Variants in TMOD1 observed in about 807,000 individuals in gnomAD.
The protein encoded by TMOD1 is tropomodulin 1.
In TMOD1, 17 loss-of-function variants were observed where a neutral mutation model predicts 40.6. The observed-to-expected ratio is 0.42, with a 90% CI of 0.29 to 0.63. TMOD1 has a LOEUF of 0.63. Ranked by LOEUF, TMOD1 falls within the 20% of genes least tolerant of loss-of-function variation. The probability of loss-of-function intolerance (pLI) is 0.22; values close to 1 mark genes in which losing one functional copy is unlikely to be tolerated. For synonymous variants in TMOD1, 181 were observed against 175.0 expected (o/e 1.03, Z -0.27); for missense variants, 391 against 447.6 (o/e 0.87, Z 1.14).
chr9:97,502,013 C>A lies in TMOD1; in HGVS notation c.-49+210C>A, dbSNP rs993469675. On this transcript the variant is annotated intron_variant, in intron 1 of 9. Coordinates refer to ENST00000259365, the MANE Select transcript of TMOD1 (RefSeq NM_003275.4). The surrounding 1 kb of genome is among the most constrained non-coding windows in gnomAD (Gnocchi z 6.1). ...CTCGGGGTTCCGAGCCCAGCGCTCC[C>A]GTCCCCGCCTCCCCGCGCGCGCAGC... Among the ~76,000 whole-genome samples, 1 of 152,118 alleles carries A rather than the reference C, an allele frequency of 6.6e-6. No individual in the cohort carries two copies. The highest frequency in any genetic ancestry group is 2.4e-5 in the African/African-American group (1 of 41,446).
chr9:97,565,575 G>A (rs75160987), intron 6 of TMOD1, among the ~76,000 whole-genome samples: 55 of 152,072 alleles, frequency 3.6e-4, no homozygotes, highest in African/African-American at 1.0e-3. Context: ...AATACTACAC[G>A]CCTTAATTTT....
Position 97,599,883 on chromosome 9 carries a change from T to TGAA in TMOD1, c.*187_*189dup, listed in dbSNP as rs1826214681. ...AAAATTTTATAAAATACCGTTAATG[T>TGAA]GAAGTTTTTCTTTAGTCACAGAAGT... On this transcript the variant is annotated 3_prime_UTR_variant, in exon 10 of 10. Transcript: ENST00000259365. The TGAA allele has an allele frequency of 5.1e-6, 7 of 1,379,756 alleles. No individual in the cohort carries two copies. Among genetic ancestry groups the TGAA allele is most frequent in the South Asian group, 3.4e-5 (2 of 58,798 alleles). 85.5% of individuals were successfully genotyped at this position (1,379,756 alleles called of 1,614,324 possible).
Position 97,553,337 on chromosome 9 carries a change from C to G in TMOD1, c.334C>G (p.Leu112Val), listed in dbSNP as rs767151921. The G allele has an allele frequency of 6.2e-7, 1 of 1,614,112 alleles. No homozygotes were observed. The highest frequency in any genetic ancestry group is 1.3e-5 in the African/African-American group (1 of 74,942). Reference sequence around the variant, plus strand: ...GGATCCTGTGCTGGAAAGTGTGACGCTGGAACCGGAGCTGGAGGAAGCCTT... The same window carrying G: ...GGATCCTGTGCTGGAAAGTGTGACGGTGGAACCGGAGCTGGAGGAAGCCTT... ...PLDPVLESVTLEPELEEALAN... is the reference protein window; with the variant it reads ...PLDPVLESVTVEPELEEALAN... The change falls in exon 4 of 10, where the codon CTG (leucine) becomes GTG (valine). Residue 112 changes from leucine (L) to valine (V), a missense_variant. Coordinates refer to ENST00000259365, the MANE Select transcript of TMOD1 (RefSeq NM_003275.4).
chr9:97,580,252 T>A (rs545330665), intron 8 of TMOD1, among the ~76,000 whole-genome samples: 1 of 152,286 alleles, frequency 6.6e-6, no homozygotes, highest in East Asian at 1.9e-4. Flanking sequence ...GGTTTTTAAA[T>A]TATTATTATT....
In TMOD1 at chr9:97,599,685, G is replaced by A. The variant is rs768433254; in HGVS notation, c.1067G>A (p.Arg356Gln). 8.7e-6 allele frequency: 14 copies of A among 1,614,138 alleles called. No homozygotes were observed. The highest frequency in any genetic ancestry group is 1.2e-5 in the Non-Finnish European group (14 of 1,180,020). ...DLTGPIIPKC[R>Q]SGV ...ACTGGGCCCATCATTCCCAAGTGCC[G>A]GAGTGGTGTCTAGTGTGTGGCGGTG... The change falls in exon 10 of 10, where the codon CGG (arginine) becomes CAG (glutamine). Residue 356 changes from arginine to glutamine, a missense_variant. Transcript: ENST00000259365.
At chr9:97,517,087 G>A (rs986794748) in intron 1 of TMOD1, among the ~76,000 whole-genome samples, 4 of 152,214 alleles carry the variant, frequency 2.6e-5, no homozygotes, top group South Asian at 2.1e-4. Flanking sequence ...TGGCTCACAC[G>A]TATAATCCCA....
At chr9:97,543,103 T>C (rs1030054036) in intron 2 of TMOD1, among the ~76,000 whole-genome samples, 3 of 152,182 alleles carry the variant, frequency 2.0e-5, no homozygotes, top group African/African-American at 7.2e-5. Context: ...CGAAAAGAGA[T>C]GAGAGTTTGC....
chr9:97,581,704 G>A (rs968455008), intron 8 of TMOD1, among the ~76,000 whole-genome samples: 3 of 151,704 alleles, frequency 2.0e-5, no homozygotes, highest in African/African-American at 7.3e-5. Context: ...GTGTGAGATG[G>A]TATCTCATTG....
At chr9:97,508,048 C>A (rs1829618355) in intron 1 of TMOD1, among the ~76,000 whole-genome samples, 1 of 143,408 alleles carries the variant, frequency 7.0e-6, no homozygotes, top group Admixed American at 7.3e-5. Context: ...CACAATCTAT[C>A]TTCCTGATTC....
At chr9:97,586,390 A>C (rs1246516286) in intron 8 of TMOD1, among the ~76,000 whole-genome samples, 2 of 151,566 alleles carry the variant, frequency 1.3e-5, no homozygotes, top group Non-Finnish European at 3.0e-5. Context: ...GTGCTGGGAG[A>C]ACCACTGCTC....
At chr9:97,548,708 G>T (rs1427936997) in intron 3 of TMOD1, among the ~76,000 whole-genome samples, 1 of 152,188 alleles carries the variant, frequency 6.6e-6, no homozygotes. Flanking sequence ...GAGCTGGACT[G>T]TCTTCATGAA....
chr9:97,550,661 G>A (rs1214536534), intron 3 of TMOD1, among the ~76,000 whole-genome samples: 3 of 152,138 alleles, frequency 2.0e-5, no homozygotes, highest in Admixed American at 6.5e-5. Context: ...TTGGCCATAT[G>A]TATATCCTCT....
intron 1 of TMOD1, among the ~76,000 whole-genome samples, chr9:97,506,088 TC>T (rs5899310): frequency 0.47 from 71,653 of 151,946 alleles, 16,992 homozygotes; most frequent in Admixed American, 0.52. Context: ...TGCTGTGCCT[TC>T]ATGCCTCCCT....
chr9:97,588,664 T>C (rs989969149), intron 8 of TMOD1, among the ~76,000 whole-genome samples: 4 of 152,206 alleles, frequency 2.6e-5, no homozygotes, highest in Admixed American at 1.3e-4. Flanking sequence ...ATATTAACAA[T>C]ATTAAGTCTT....
chr9:97,550,398 A>C (rs946531084), intron 3 of TMOD1, among the ~76,000 whole-genome samples: 1 of 152,228 alleles, frequency 6.6e-6, no homozygotes, highest in Non-Finnish European at 1.5e-5. Context: ...TATGGGTGGA[A>C]TTGATGAATG....
chr9:97,552,393 C>T (rs1830468675), intron 3 of TMOD1, among the ~76,000 whole-genome samples: 1 of 152,126 alleles, frequency 6.6e-6, no homozygotes, highest in South Asian at 2.1e-4. Context: ...TCTTCTAGGC[C>T]CTTGTCCTGC....
chr9:97,590,839 C>T (rs1423245211), intron 8 of TMOD1, among the ~76,000 whole-genome samples: 1 of 152,058 alleles, frequency 6.6e-6, no homozygotes, highest in African/African-American at 2.4e-5. Flanking sequence ...GGTTATCAGA[C>T]TTGGGTGCAT....
intron 8 of TMOD1, among the ~76,000 whole-genome samples, chr9:97,570,976 G>A (rs981323095): frequency 6.6e-6 from 1 of 152,186 alleles, no homozygotes; most frequent in African/African-American, 2.4e-5. Context: ...CGGTGGTCTT[G>A]CTGCTGCCTC....
At chr9:97,592,201 C>T (rs375703569) in intron 9 of TMOD1, among the ~76,000 whole-genome samples, 10 of 152,056 alleles carry the variant, frequency 6.6e-5, no homozygotes, top group African/African-American at 2.4e-4. Context: ...ATGTATATTC[C>T]TGCTGGCTGC....
Sources: gnomAD v4.1 joint callset for allele counts (sites outside exome capture counted in the v4.1 genomes callset) on GRCh38, gnomAD v4.1.1 for gene constraint, Gnocchi (gnomAD v3.1) non-coding constraint, MANE v1.5 for transcripts, NCBI Gene and HGNC (gene_info 2026-07-23, HGNC 2026-07-21) for gene names.